PHF21B: variants seen among roughly 807,000 people sequenced by gnomAD.
PHF21B encodes PHD finger protein 4.
In PHF21B, 22 loss-of-function variants were observed where a neutral mutation model predicts 62.2. The observed-to-expected ratio is 0.35, with a 90% CI of 0.25 to 0.51. The LOEUF is 0.51. Ranked by LOEUF, PHF21B falls within the 20% of genes least tolerant of loss-of-function variation. PHF21B has a pLI of 0.97. For missense variants in PHF21B, 701 were observed against 707.9 expected, an observed-to-expected ratio of 0.99 and a Z score of 0.11; for synonymous variants, 341 against 314.7, an observed-to-expected ratio of 1.08 and a Z score of -0.88.
chr22:44,912,580 C>T lies in PHF21B; in HGVS notation c.831+1242G>A, dbSNP rs560142224. On this transcript the variant is annotated intron_variant, in intron 5 of 12. Transcript: ENST00000313237. ...AAGATGTGACTTGCTCCTCATCTTCCGCCATGATTGTGAGGTTTCCCCAGC... is the reference window on the plus strand; with the variant it reads ...AAGATGTGACTTGCTCCTCATCTTCTGCCATGATTGTGAGGTTTCCCCAGC... 1.1e-4 allele frequency among the ~76,000 whole-genome samples: 17 copies of T among 152,250 alleles called. No individual in the cohort carries two copies. The East Asian group carries it at 1.4e-3, about 12-fold the overall frequency.
intron 2 of PHF21B, among the ~76,000 whole-genome samples, chr22:44,928,213 A>G (rs1201514945): frequency 2.0e-5 from 3 of 152,080 alleles, no homozygotes; most frequent in Non-Finnish European, 4.4e-5. Context: ...CCCCCGCTTC[A>G]GCACGCACCA....
chr22:44,902,338 G>C, intron 5 of PHF21B: 1 of 338,388 alleles, frequency 3.0e-6, no homozygotes, highest in Non-Finnish European at 6.0e-6. Flanking sequence ...AAATTTTACT[G>C]AGTATCAAAG....
At chr22:44,931,321 C>T (rs554623946) in intron 2 of PHF21B, among the ~76,000 whole-genome samples, 6 of 152,190 alleles carry the variant, frequency 3.9e-5, no homozygotes, top group Non-Finnish European at 4.4e-5. Flanking sequence ...GATATGCGGC[C>T]GCTGTGGCCC....
intron 2 of PHF21B, among the ~76,000 whole-genome samples, chr22:44,942,599 C>T (rs1273476495): frequency 6.6e-6 from 1 of 152,182 alleles, no homozygotes; most frequent in African/African-American, 2.4e-5. Context: ...CTAGGAGCAG[C>T]TGCCCCACAC....
chr22:45,003,737 A>G (rs1319585260), intron 2 of PHF21B: 1 of 152,244 alleles, frequency 6.6e-6, no homozygotes, highest in African/African-American at 2.4e-5. Context: ...AAAGGTGGAA[A>G]CAGGCCAAAC....
At chr22:44,903,912 G>A (rs2071204143) in intron 5 of PHF21B, among the ~76,000 whole-genome samples, 1 of 152,104 alleles carries the variant, frequency 6.6e-6, no homozygotes, top group South Asian at 2.1e-4. Flanking sequence ...TTCTCTAAAA[G>A]TAGGAAGATT....
At chr22:44,897,903 G>A (rs1241540851) in intron 5 of PHF21B, among the ~76,000 whole-genome samples, 1 of 152,042 alleles carries the variant, frequency 6.6e-6, no homozygotes, top group East Asian at 1.9e-4. Context: ...CAAACTCCTG[G>A]GCTCAAGCAA....
At chr22:44,998,763 G>A (rs1213179331) in intron 2 of PHF21B, among the ~76,000 whole-genome samples, 4 of 152,160 alleles carry the variant, frequency 2.6e-5, no homozygotes, top group Non-Finnish European at 5.9e-5. Flanking sequence ...GCTGTTTCTT[G>A]TATTATTGTT....
At chr22:44,919,884 G>A (rs1346325944) in intron 3 of PHF21B, among the ~76,000 whole-genome samples, 1 of 152,232 alleles carries the variant, frequency 6.6e-6, no homozygotes, top group Non-Finnish European at 1.5e-5. Flanking sequence ...GCCCAGGAAG[G>A]CTGAGAGGTC....
chr22:44,920,052 C>T (rs5766189), intron 3 of PHF21B, among the ~76,000 whole-genome samples: 53,997 of 151,602 alleles, frequency 0.36, 10,733 homozygotes, highest in East Asian at 0.66. Flanking sequence ...AAAATACACA[C>T]GACGGAGTCA....
At chr22:44,924,295 T>C (rs2071591923) in intron 2 of PHF21B, among the ~76,000 whole-genome samples, 1 of 152,210 alleles carries the variant, frequency 6.6e-6, no homozygotes, top group Non-Finnish European at 1.5e-5. Flanking sequence ...CTGGTGAGGA[T>C]GTAGAGCAAA....
intron 2 of PHF21B, among the ~76,000 whole-genome samples, chr22:44,927,366 T>G (rs952413126): frequency 6.6e-6 from 1 of 152,026 alleles, no homozygotes; most frequent in East Asian, 1.9e-4. Context: ...AAATATGGGG[T>G]GCCCTCAAGT....
At chr22:44,936,674 G>A (rs964948280) in intron 2 of PHF21B, among the ~76,000 whole-genome samples, 2 of 152,060 alleles carry the variant, frequency 1.3e-5, no homozygotes, top group East Asian at 1.9e-4. Context: ...TGGACATATT[G>A]GATTACATAA....
intron 3 of PHF21B, among the ~76,000 whole-genome samples, chr22:44,918,962 A>G (rs1162002020): frequency 1.3e-5 from 2 of 152,096 alleles, no homozygotes; most frequent in African/African-American, 4.8e-5. Context: ...CTCCACCCCC[A>G]GGACTGTCCC....
intron 2 of PHF21B, among the ~76,000 whole-genome samples, chr22:44,958,841 A>G (rs367955032): frequency 6.6e-6 from 1 of 151,902 alleles, no homozygotes; most frequent in African/African-American, 2.4e-5. Context: ...GGGTTTCACC[A>G]TGTTGGCTAG....
intron 2 of PHF21B, among the ~76,000 whole-genome samples, chr22:44,938,670 T>C (rs2071896758): frequency 6.6e-6 from 1 of 152,232 alleles, no homozygotes; most frequent in Non-Finnish European, 1.5e-5. Flanking sequence ...ACCCTCATTA[T>C]GGCAGCTGCA....
chr22:44,925,815 T>C (rs954415104), intron 2 of PHF21B, among the ~76,000 whole-genome samples: 1 of 151,986 alleles, frequency 6.6e-6, no homozygotes, highest in Non-Finnish European at 1.5e-5. Flanking sequence ...CGACCAGTGT[T>C]CCCCCAACTT....
At chr22:44,893,318 C>T (rs1252163375) in intron 7 of PHF21B, 139 bp downstream of exon 7, 2 of 706,970 alleles carry the variant, frequency 2.8e-6, no homozygotes, top group Non-Finnish European at 4.7e-6. Context: ...TTACGGTCAC[C>T]CCCCAGCCCC....
At chr22:44,940,382 G>C (rs2071932375) in intron 2 of PHF21B, among the ~76,000 whole-genome samples, 1 of 152,204 alleles carries the variant, frequency 6.6e-6, no homozygotes. Context: ...CCCATCACAG[G>C]CACCCCTTGT....
Sources: allele counts gnomAD v4.1 joint callset (sites outside exome capture counted in the v4.1 genomes callset), GRCh38; gene constraint gnomAD v4.1.1; transcripts MANE v1.5; gene names NCBI Gene and HGNC (gene_info 2026-07-23, HGNC 2026-07-21).